LRP4: variants seen among roughly 807,000 people sequenced by gnomAD.
The protein encoded by LRP4 is LDL receptor related protein 4.
A neutral mutation model predicts 220.3 loss-of-function variants in LRP4; 95 were observed. The ratio of observed to expected loss-of-function variants is 0.43; its 90% confidence interval spans 0.37 to 0.51. LRP4 has a LOEUF of 0.51. Among genes scored for constraint, LRP4 ranks in the 20% least tolerant of loss-of-function variants. LRP4 has a pLI of 0.00. For synonymous variants in LRP4, 903 were observed against 954.6 expected (o/e 0.95, Z 1.00); for missense variants, 1,925 against 2,567.0 (o/e 0.75, Z 5.40).
In LRP4 at chr11:46,890,017, G is replaced by T; in HGVS notation, c.2019C>A (p.Asn673Lys). 1.2e-6 allele frequency: 2 copies of T among 1,614,106 alleles called. No homozygotes were observed. The highest frequency in any genetic ancestry group is 8.5e-7 in the Non-Finnish European group (1 of 1,180,022). ...INSANKFTGK[N>K]QEIIRNKLHF... ...GGAGTTTGTTGCGAATGATTTCCTG[G>T]TTCTTCCCCGTAAATTTGTTAGCGC... The change falls in exon 15 of 38, where the codon AAC (asparagine) becomes AAA (lysine). Residue 673 changes from asparagine (N) to lysine (K), a missense_variant. Asn to Lys is a moderately conservative substitution (Grantham distance 94). Coordinates refer to ENST00000378623, the MANE Select transcript of LRP4 (RefSeq NM_002334.4). The surrounding 1 kb of genome is among the most constrained non-coding windows in gnomAD (Gnocchi z 5.3).
rs950900896 is a variant in LRP4 at position 46,905,818 on chromosome 11, C to T, written c.53-2889G>A. On this transcript the variant is annotated intron_variant, in intron 1 of 37. Coordinates refer to ENST00000378623, the MANE Select transcript of LRP4 (RefSeq NM_002334.4). ...GGTGAGGGGAGATCATGCCATTGCA[C>T]TCCAACCTGGGCAACAGGAGCGAAA... 4.0e-5 allele frequency among the ~76,000 whole-genome samples: 6 copies of T among 150,124 alleles called. No individual in the cohort carries two copies. In the South Asian group the frequency reaches 1.3e-3, roughly 32 times the overall value.
chr11:46,877,087 G>C (rs1592525110), intron 23 of LRP4, 112 bp downstream of exon 23: 1 of 1,269,696 alleles, frequency 7.9e-7, no homozygotes, highest in East Asian at 2.3e-5. Flanking sequence ...AGAGGGAATG[G>C]GGAACAAACA....
chr11:46,889,750 A>G, intron 15 of LRP4, 194 bp downstream of exon 15: 1 of 838,640 alleles, frequency 1.2e-6, no homozygotes, highest in Non-Finnish European at 1.9e-6. Flanking sequence ...GGTGAAGTCT[A>G]ATGAATCTTT....
At chr11:46,905,208 T>C (rs1941740181) in intron 1 of LRP4, among the ~76,000 whole-genome samples, 4 of 152,106 alleles carry the variant, frequency 2.6e-5, no homozygotes, top group Admixed American at 2.6e-4. Flanking sequence ...CTGAGAACTC[T>C]GAGAAGGGAG....
Position 46,890,583 on chromosome 11 carries a change from T to A in LRP4, c.1698-89A>T. The A allele has an allele frequency of 1.1e-6, 1 of 877,504 alleles. No homozygotes were observed. The highest frequency in any genetic ancestry group is 1.8e-6 in the Non-Finnish European group (1 of 541,100). 54.4% of individuals were successfully genotyped at this position (877,504 alleles called of 1,614,324 possible). ...ATCAGGTAGGGCGCTTTTATCCATTTAACTCAGGGGACTCCAATGTTTGGT... is the reference window on the plus strand; with the variant it reads ...ATCAGGTAGGGCGCTTTTATCCATTAAACTCAGGGGACTCCAATGTTTGGT... On this transcript the variant is annotated intron_variant, in intron 13 of 37. Transcript: ENST00000378623. This position sits in a 1 kb window ranked among gnomAD's most constrained non-coding sequence, Gnocchi z 5.3.
chr11:46,900,701 G>C (rs1211962720), intron 2 of LRP4, among the ~76,000 whole-genome samples: 3 of 151,878 alleles, frequency 2.0e-5, no homozygotes, highest in African/African-American at 7.3e-5. Flanking sequence ...GTGTTGGCCA[G>C]GCTGGTCTCA....
rs1346685928 is a variant in LRP4, at chr11:46,879,678, C to A, written c.2815-363G>T. 1.3e-5 allele frequency among the ~76,000 whole-genome samples: 2 copies of A among 152,200 alleles called. 1 individual carries two copies. Among genetic ancestry groups the A allele is most frequent in the South Asian group, 4.1e-4 (2 of 4,828 alleles). ...GTAAGTATCACAATAACGGAACAGG[C>A]CAACACCTGTGTCTACTGATGAGAC... On this transcript the variant is annotated intron_variant, in intron 20 of 37. Transcript: ENST00000378623.
chr11:46,872,378 A>G (rs1249215457), intron 30 of LRP4, among the ~76,000 whole-genome samples: 1 of 152,132 alleles, frequency 6.6e-6, no homozygotes, highest in South Asian at 2.1e-4. Flanking sequence ...TTGGATCAGA[A>G]GGGGGCACAG....
chr11:46,869,066 CTGAG>C lies in LRP4; in HGVS notation c.4755_4758del (p.Tyr1585Ter), dbSNP rs1940790009. 6.2e-7 allele frequency: 1 copy of C among 1,614,022 alleles called. No homozygotes were observed. The highest frequency in any genetic ancestry group is 1.3e-5 in the African/African-American group (1 of 74,892). On this transcript the variant is annotated frameshift_variant, in exon 32 of 38. Coordinates refer to ENST00000378623, the MANE Select transcript of LRP4 (RefSeq NM_002334.4). LOFTEE classifies it high-confidence loss of function. ...GCCAGCACTGTCTCCTTGTTCCGGC[CTGAG>C]TATTTGTCAACACGCTGGATTGACT... is the stretch of plus-strand genomic sequence containing the variant.
rs187853982 is a variant in LRP4, at chr11:46,907,225, G to A, written c.53-4296C>T. Among the ~76,000 whole-genome samples the A allele has an allele frequency of 1.0e-3, 154 of 152,340 alleles. 1 individual carries two copies. Among genetic ancestry groups the A allele is most frequent in the African/African-American group, 3.5e-3 (146 of 41,574 alleles). On this transcript the variant is annotated intron_variant, in intron 1 of 37. Transcript: ENST00000378623. ...GCCAGCCACATCGCAAGCTCCCTTA[G>A]CCTCCAGGGGCCTGGGCTCTAGCCC... is the stretch of plus-strand genomic sequence containing the variant.
At chr11:46,896,483 C>T (rs1941533514) in intron 8 of LRP4, 148 bp from the exon 9 acceptor site, 5 of 950,776 alleles carry the variant, frequency 5.3e-6, no homozygotes, top group Non-Finnish European at 8.1e-6. Context: ...TCAGACAGGG[C>T]TGGCTGAATG....
chr11:46,889,091 C>A (rs148843923), intron 16 of LRP4, among the ~76,000 whole-genome samples: 1 of 152,284 alleles, frequency 6.6e-6, no homozygotes, highest in Admixed American at 6.5e-5. Flanking sequence ...GGAAATCATT[C>A]CCCTGTTTTC....
At chr11:46,870,805 G>C (rs576722748) in intron 31 of LRP4, among the ~76,000 whole-genome samples, 1 of 152,306 alleles carries the variant, frequency 6.6e-6, no homozygotes, top group East Asian at 1.9e-4. Context: ...TTTTGTGTTA[G>C]AACTCAAAAG....
At chr11:46,891,347 C>T (rs1280598680) in intron 13 of LRP4, among the ~76,000 whole-genome samples, 1 of 151,926 alleles carries the variant, frequency 6.6e-6, no homozygotes, top group African/African-American at 2.4e-5. Context: ...CTCCTGACCC[C>T]AAGTGATCCA....
rs1941623609 is a variant in LRP4 at position 46,899,633 on chromosome 11, G to A, written c.431-130C>T. ...GCCCCCGAAAGGCACCCCAGAGTCAGTGCAGACTCTCCAGGGAGAACGGAG... is the reference window on the plus strand; with the variant it reads ...GCCCCCGAAAGGCACCCCAGAGTCAATGCAGACTCTCCAGGGAGAACGGAG... On this transcript the variant is annotated intron_variant, in intron 4 of 37. Transcript: ENST00000378623. This position sits in a 1 kb window ranked among gnomAD's most constrained non-coding sequence, Gnocchi z 5.9. 2 of 781,318 alleles carry A rather than the reference G, an allele frequency of 2.6e-6. No individual in the cohort carries two copies. The highest frequency in any genetic ancestry group is 4.9e-5 in the East Asian group (2 of 40,766). The allele number at this position is 781,318 out of a possible 1,614,324, so 48.4% of individuals were successfully genotyped here. A position where few individuals can be genotyped will look rare whatever the true frequency, so the allele number is the denominator to read the frequency against.
At chr11:46,867,355 T>C (rs1940731129) in intron 34 of LRP4, among the ~76,000 whole-genome samples, 1 of 152,128 alleles carries the variant, frequency 6.6e-6, no homozygotes, top group South Asian at 2.1e-4. Context: ...GCCAAACCTA[T>C]GATGTGAGAG....
At chr11:46,868,883 A>G in intron 32 of LRP4, 105 bp downstream of exon 32, 1 of 1,510,594 alleles carries the variant, frequency 6.6e-7, no homozygotes, top group Non-Finnish European at 9.2e-7. Flanking sequence ...ATGTGAACCA[A>G]GAAGCTCTCT....
chr11:46,904,006 G>A (rs1057259097), intron 1 of LRP4, among the ~76,000 whole-genome samples: 2 of 152,210 alleles, frequency 1.3e-5, no homozygotes, highest in South Asian at 2.1e-4. Context: ...CTGGGATGGC[G>A]TGTGAATGGC....
chr11:46,885,767 C>T (rs554585968), intron 18 of LRP4, among the ~76,000 whole-genome samples: 4 of 131,214 alleles, frequency 3.0e-5, no homozygotes, highest in East Asian at 5.1e-4. Flanking sequence ...AGCAAGACTC[C>T]GCCTCAAAAA....
Sources: gnomAD v4.1 joint callset for allele counts (sites outside exome capture counted in the v4.1 genomes callset) on GRCh38, gnomAD v4.1.1 for gene constraint, Gnocchi (gnomAD v3.1) non-coding constraint, MANE v1.5 for transcripts, NCBI Gene and HGNC (gene_info 2026-07-23, HGNC 2026-07-21) for gene names.